CDCA2: variants seen among roughly 807,000 people sequenced by gnomAD.
The protein encoded by CDCA2 is cell division cycle associated 2, also known as cell division cycle-associated protein 2.
CDCA2 carries 44 observed loss-of-function variants against 67.0 expected under a neutral mutation model. The ratio of observed to expected loss-of-function variants is 0.66; its 90% CI spans 0.52 to 0.84. The LOEUF (loss-of-function observed/expected upper bound fraction) is 0.84, where lower values mean the gene tolerates loss of function less well. Among genes scored for constraint, CDCA2 ranks in the 40% least tolerant of loss-of-function variants. CDCA2 has a pLI of 0.00. For synonymous variants in CDCA2, 447 were observed against 418.7 expected (o/e 1.07, Z -0.82); for missense variants, 1,253 against 1,203.2 (o/e 1.04, Z -0.61).
At chr8:25,483,126 C>G (rs983601616) in intron 8 of CDCA2, among the ~76,000 whole-genome samples, 2 of 152,132 alleles carry the variant, frequency 1.3e-5, no homozygotes, top group African/African-American at 4.8e-5. Flanking sequence ...TTTGCTAGAT[C>G]AAACATTGAA....
chr8:25,498,432 C>T (rs1295623010), intron 13 of CDCA2, among the ~76,000 whole-genome samples: 168 of 143,148 alleles, frequency 1.2e-3, no homozygotes, highest in African/African-American at 4.2e-3. Context: ...GGTCTCAAAC[C>T]CCTGTCCTCA....
In CDCA2 at chr8:25,466,967, G is replaced by C. The variant is rs541660518; in HGVS notation, c.538+642G>C. Among the ~76,000 whole-genome samples the C allele has an allele frequency of 2.0e-5, 3 of 149,580 alleles. No individual in the cohort carries two copies. The East Asian group carries it at 6.1e-4, about 30-fold the overall frequency. On this transcript the variant is annotated intron_variant, in intron 5 of 14. Coordinates refer to ENST00000330560, the MANE Select transcript of CDCA2 (RefSeq NM_152562.4). ...TGAGGCAGGAGAATCACTTGAACCT[G>C]GGAGGTGGAGGTTGCAGTGATCCCA... is the stretch of plus-strand genomic sequence containing the variant.
rs1803775708 is a variant in CDCA2 at position 25,486,369 on chromosome 8, T to C, written c.1444+532T>C. ...AGGTGTCTTCCCTGGCGGAAACCCC[T>C]TAATGGCTTCTTGTTGACACAAACC... On this transcript the variant is annotated intron_variant, in intron 11 of 14. Coordinates refer to ENST00000330560, the MANE Select transcript of CDCA2 (RefSeq NM_152562.4). Among the ~76,000 whole-genome samples the C allele has an allele frequency of 1.3e-5, 2 of 152,208 alleles. 1 individual carries two copies. Among genetic ancestry groups the C allele is most frequent in the African/African-American group, 4.8e-5 (2 of 41,448 alleles).
Position 25,507,108 on chromosome 8 carries a change from A to C in CDCA2, c.2442A>C (p.Lys814Asn). 4 of 1,614,162 alleles carry C rather than the reference A, an allele frequency of 2.5e-6. No individual in the cohort carries two copies. The South Asian group carries it at 4.4e-5, about 18-fold the overall frequency. Residue 814 changes from lysine to asparagine, a missense_variant, in exon 15 of 15, where the codon AAA becomes AAC. Coordinates refer to ENST00000330560, the MANE Select transcript of CDCA2 (RefSeq NM_152562.4). ...GCCAGAGTGAGGATTTGGGAAGAAA[A>C]CCCATGGAAAGTAGCAGTGTTGTGA... ...SKSQSEDLGR[K>N]PMESSSVVSC...
intron 6 of CDCA2, among the ~76,000 whole-genome samples, chr8:25,469,341 G>T (rs370852474): frequency 1.2e-4 from 18 of 152,270 alleles, no homozygotes; most frequent in African/African-American, 3.8e-4. Context: ...GCCCTTTTCA[G>T]GTTGATGTGA....
intron 7 of CDCA2, among the ~76,000 whole-genome samples, chr8:25,475,548 A>C (rs1299583356): frequency 6.6e-6 from 1 of 152,120 alleles, no homozygotes; most frequent in Non-Finnish European, 1.5e-5. Flanking sequence ...TAATGCAACC[A>C]CCAGAACTTA....
intron 4 of CDCA2, among the ~76,000 whole-genome samples, chr8:25,463,108 C>A (rs545399796): frequency 6.6e-6 from 1 of 152,022 alleles, no homozygotes; most frequent in African/African-American, 2.4e-5. Flanking sequence ...TTTTTAAGAG[C>A]TTATCTCTAA....
intron 11 of CDCA2, among the ~76,000 whole-genome samples, 174 bp from the exon 12 acceptor site, chr8:25,487,072 T>C (rs890822203): frequency 2.8e-5 from 1 of 35,634 alleles, no homozygotes; most frequent in Non-Finnish European, 6.8e-5. Context: ...AACTTAAAAT[T>C]TTTTAAAACA....
intron 7 of CDCA2, among the ~76,000 whole-genome samples, chr8:25,471,419 G>A (rs1803150220): frequency 6.6e-6 from 1 of 152,042 alleles, no homozygotes; most frequent in African/African-American, 2.4e-5. Flanking sequence ...CTGGAGTGCA[G>A]TGGCACAATC....
chr8:25,502,944 T>A lies in CDCA2; in HGVS notation c.1672-429T>A, dbSNP rs138688159. On this transcript the variant is annotated intron_variant, in intron 13 of 14. Coordinates refer to ENST00000330560, the MANE Select transcript of CDCA2 (RefSeq NM_152562.4). ...TTAAATGAAATATAAAAGTTATCTA[T>A]GCAATAAAGCACTGTATGAACAATA... Among the ~76,000 whole-genome samples the A allele has an allele frequency of 1.2e-4, 19 of 152,312 alleles. No individual in the cohort carries two copies. In the East Asian group the frequency reaches 3.3e-3, roughly 26 times the overall value.
intron 13 of CDCA2, 62 bp from the exon 14 acceptor site, chr8:25,503,311 G>C: frequency 4.6e-6 from 6 of 1,290,790 alleles, no homozygotes; most frequent in Non-Finnish European, 6.7e-6. Context: ...CTAGTTAAAG[G>C]GTCAAAATTT....
intron 3 of CDCA2, among the ~76,000 whole-genome samples, chr8:25,461,808 TCAA>T (rs1238080663): frequency 6.6e-6 from 1 of 152,264 alleles, no homozygotes; most frequent in Non-Finnish European, 1.5e-5. Flanking sequence ...ATGTATTTAT[TCAA>T]CAACTTTTAA....
chr8:25,505,215 T>C (rs1276868402), intron 14 of CDCA2, among the ~76,000 whole-genome samples: 1 of 152,178 alleles, frequency 6.6e-6, no homozygotes, highest in Non-Finnish European at 1.5e-5. Context: ...GTTTGTTTGT[T>C]TTTTGAGATG....
At position 25,507,692 on chromosome 8, in the gene CDCA2, T is replaced by C. The variant is rs533786348; in HGVS notation, c.3026T>C (p.Leu1009Pro). 3.1e-6 allele frequency: 5 copies of C among 1,613,840 alleles called. No individual in the cohort carries two copies. In the Admixed American group the frequency reaches 8.3e-5, roughly 27 times the overall value. Reference sequence around the variant, plus strand: ...CTTAATGGGAAGGGAGAGAGCTCTCTGACTGCCTTGGAAAGGATTGAACAT... The same window carrying C: ...CTTAATGGGAAGGGAGAGAGCTCTCCGACTGCCTTGGAAAGGATTGAACAT... ...SSLNGKGESS[L>P]TALERIEHNG... Residue 1009 changes from leucine (L) to proline (P), a missense_variant, in exon 15 of 15, where the codon CTG becomes CCG. Physicochemically the swap from Leu to Pro is moderately conservative, Grantham distance 98. Transcript: ENST00000330560.
Position 25,483,454 on chromosome 8 carries a change from A to G in CDCA2, c.1088A>G (p.Asn363Ser). The change falls in exon 9 of 15, where the codon AAT becomes AGT. Residue 363 changes from asparagine to serine, a missense_variant. Coordinates refer to ENST00000330560, the MANE Select transcript of CDCA2 (RefSeq NM_152562.4). ...GGGACTCATCCGAGCTTAATCTCAA[A>G]TCTCCCAAACTGTTGCAAAGAGAAA... is the stretch of plus-strand genomic sequence containing the variant. ...DDGTHPSLIS[N>S]LPNCCKEKEA... 6.2e-7 allele frequency: 1 copy of G among 1,612,322 alleles called. No homozygotes were observed. The highest frequency in any genetic ancestry group is 1.1e-5 in the South Asian group (1 of 90,784).
chr8:25,482,674 G>A (rs1214670918), intron 8 of CDCA2, among the ~76,000 whole-genome samples: 1 of 152,170 alleles, frequency 6.6e-6, no homozygotes, highest in Non-Finnish European at 1.5e-5. Flanking sequence ...TTCAAGACCT[G>A]CCTGGGCAAC....
At chr8:25,467,675 C>G (rs1373026228) in intron 5 of CDCA2, among the ~76,000 whole-genome samples, 1 of 152,132 alleles carries the variant, frequency 6.6e-6, no homozygotes, top group Admixed American at 6.6e-5. Flanking sequence ...CCTGAAAAAA[C>G]TTAATTCTAA....
At chr8:25,501,961 G>A (rs565032835) in intron 13 of CDCA2, among the ~76,000 whole-genome samples, 37 of 152,260 alleles carry the variant, frequency 2.4e-4, no homozygotes, top group African/African-American at 7.7e-4. Flanking sequence ...GCAGTGGCGC[G>A]ATCTCGGCTC....
chr8:25,495,794 G>T (rs1317538884), intron 13 of CDCA2, among the ~76,000 whole-genome samples: 2 of 152,144 alleles, frequency 1.3e-5, no homozygotes, highest in African/African-American at 2.4e-5. Context: ...CTCAATAGAA[G>T]CACTGAATTT....
Sources: gnomAD v4.1 joint callset for allele counts (sites outside exome capture counted in the v4.1 genomes callset) on GRCh38, gnomAD v4.1.1 for gene constraint, MANE v1.5 for transcripts, NCBI Gene and HGNC (gene_info 2026-07-23, HGNC 2026-07-21) for gene names.